Variants in STKLD1 observed in about 807,000 individuals in gnomAD.
STKLD1 encodes the protein serine/threonine kinase-like domain-containing protein STKLD1.
In STKLD1, 79 loss-of-function variants were observed where a neutral mutation model predicts 80.4. That is an observed-to-expected ratio of 0.98 (90% CI 0.82 to 1.19). The LOEUF is 1.19. Ranked by LOEUF, STKLD1 falls within the 50% of genes most tolerant of loss-of-function variation. STKLD1 has a pLI of 0.00. For synonymous variants in STKLD1, 393 were observed against 357.6 expected, an observed-to-expected ratio of 1.10 and a Z score of -1.12; for missense variants, 841 against 856.0, an observed-to-expected ratio of 0.98 and a Z score of 0.22.
chr9:133,405,236 C>T lies in STKLD1; in HGVS notation c.1874-16C>T. The T allele has an allele frequency of 6.3e-7, 1 of 1,586,508 alleles. No individual in the cohort carries two copies. Among genetic ancestry groups the T allele is most frequent in the Non-Finnish European group, 8.6e-7 (1 of 1,165,484 alleles). ...GGAAGGACTCTGGCCTCAGGACCTT[C>T]CTGCTCCACCTGCAGAGGAGATCCT... On this transcript the variant is annotated splice_polypyrimidine_tract_variant and intron_variant, in intron 17 of 17. Coordinates refer to ENST00000371957, the MANE Select transcript of STKLD1 (RefSeq NM_153710.5).
chr9:133,385,629 C>T lies in STKLD1; in HGVS notation c.232C>T (p.Leu78=). Residue 78 remains leucine, a synonymous_variant, in exon 4 of 18, where the codon CTG becomes TTG. Coordinates refer to ENST00000371957, the MANE Select transcript of STKLD1 (RefSeq NM_153710.5). The surrounding 1 kb of genome is among the most constrained non-coding windows in gnomAD (Gnocchi z 4.9). ...TCTATCCTGGCAGCTGATGCCACTGCTGAAGCTGCGGCACGCCCACATCTC... is the reference window on the plus strand; with the variant it reads ...TCTATCCTGGCAGCTGATGCCACTGTTGAAGCTGCGGCACGCCCACATCTC... The part of the protein sequence containing the change: ...SQALEELMPL[L]KLRHAHISVY... The T allele has an allele frequency of 6.2e-7, 1 of 1,613,362 alleles. No individual in the cohort carries two copies. Among genetic ancestry groups the T allele is most frequent in the Non-Finnish European group, 8.5e-7 (1 of 1,179,986 alleles).
At chr9:133,376,652 G>A (rs1325754049) in intron 1 of STKLD1, 92 bp downstream of exon 1, 14 of 1,175,864 alleles carry the variant, frequency 1.2e-5, no homozygotes, top group Non-Finnish European at 1.5e-5. Flanking sequence ...CGAGGGCGGC[G>A]AGGGGCCCGC....
At chr9:133,392,583 GTGGA>G (rs1224793163) in intron 7 of STKLD1, among the ~76,000 whole-genome samples, 3 of 89,510 alleles carry the variant, frequency 3.4e-5, no homozygotes, top group South Asian at 4.7e-4. Context: ...GGATGGATGA[GTGGA>G]TGGATGGATG....
chr9:133,401,535 T>C (rs1838707050), intron 12 of STKLD1, among the ~76,000 whole-genome samples: 1 of 152,202 alleles, frequency 6.6e-6, no homozygotes, highest in South Asian at 2.1e-4. Context: ...ATGCGTGGCC[T>C]GGCCGGGCAG....
intron 2 of STKLD1, among the ~76,000 whole-genome samples, chr9:133,380,051 T>C (rs1838096673): frequency 6.6e-6 from 1 of 152,086 alleles, no homozygotes; most frequent in African/African-American, 2.4e-5. Context: ...TTTTTTTTGT[T>C]TGGAGATGGA....
In STKLD1 at chr9:133,394,658, G is replaced by A. The variant is rs1242581313; in HGVS notation, c.702+249G>A. On this transcript the variant is annotated intron_variant, in intron 8 of 17. Transcript: ENST00000371957. The surrounding 1 kb of genome is among the most constrained non-coding windows in gnomAD (Gnocchi z 4.9). ...ATTCAGACCATCCCACGCGACCCTCGCAGCAGCCCTCCAGGTGGTGTCACT... is the reference window on the plus strand; with the variant it reads ...ATTCAGACCATCCCACGCGACCCTCACAGCAGCCCTCCAGGTGGTGTCACT... The A allele has an allele frequency of 8.2e-6, 4 of 490,072 alleles. No individual in the cohort carries two copies. Among genetic ancestry groups the A allele is most frequent in the South Asian group, 2.8e-5 (1 of 35,658 alleles). 30.4% of individuals were successfully genotyped at this position (490,072 alleles called of 1,614,324 possible). A position where few individuals can be genotyped will look rare whatever the true frequency, so the allele number is the denominator to read the frequency against.
Position 133,394,350 on chromosome 9 carries a change from T to C in STKLD1, c.643T>C (p.Ser215Pro), listed in dbSNP as rs1554776393. The change falls in exon 8 of 18, where the codon TCA (serine) becomes CCA (proline). Residue 215 changes from serine (S) to proline (P), a missense_variant. By Grantham distance (74) the Ser-to-Pro change is moderately conservative. Transcript: ENST00000371957. This position sits in a 1 kb window ranked among gnomAD's most constrained non-coding sequence, Gnocchi z 4.9. ...EALNFSFSQK[S>P]DIWSLGCIIL... is the part of the protein sequence containing the mutation. ...CCTCAACTTCTCCTTCAGCCAGAAA[T>C]CAGACATCTGGTCCCTGGGCTGCAT... 1 of 1,613,920 alleles carries C rather than the reference T, an allele frequency of 6.2e-7. No homozygotes were observed. The highest frequency in any genetic ancestry group is 8.5e-7 in the Non-Finnish European group (1 of 1,179,960).
In STKLD1 at chr9:133,403,778, G is replaced by C. The variant is rs781800185; in HGVS notation, c.1553G>C (p.Gly518Ala). ...SQVLATYPAD[G>A]EMAEASCGVF... Reference sequence around the variant, plus strand: ...GTGTTGGCCACCTACCCTGCGGATGGGGAAATGGCAGAAGCCAGCTGCGGA... The same window carrying C: ...GTGTTGGCCACCTACCCTGCGGATGCGGAAATGGCAGAAGCCAGCTGCGGA... The change falls in exon 15 of 18, where the codon GGG becomes GCG. Residue 518 changes from glycine (G) to alanine (A), a missense_variant. Physicochemically the swap from Gly to Ala is moderately conservative, Grantham distance 60 (BLOSUM62 0). Transcript: ENST00000371957. 1.2e-6 allele frequency: 2 copies of C among 1,613,784 alleles called. No homozygotes were observed. The highest frequency in any genetic ancestry group is 1.7e-6 in the Non-Finnish European group (2 of 1,179,966).
At chr9:133,383,329 G>A (rs1172684618) in intron 2 of STKLD1, among the ~76,000 whole-genome samples, 9 of 18,154 alleles carry the variant, frequency 5.0e-4, no homozygotes, top group Non-Finnish European at 6.8e-4. Flanking sequence ...GATGATGGTG[G>A]TGATGGTGAT....
chr9:133,399,407 C>T lies in STKLD1; in HGVS notation c.1082-1006C>T, dbSNP rs375230600. On this transcript the variant is annotated intron_variant, in intron 11 of 17. Coordinates refer to ENST00000371957, the MANE Select transcript of STKLD1 (RefSeq NM_153710.5). ...CTCATATGGGCCTAATTTACCATTC[C>T]CTCCCTCCCCTCCTCCTCTTCGACC... Among the ~76,000 whole-genome samples the T allele has an allele frequency of 1.7e-4, 26 of 152,284 alleles. No homozygotes were observed. The East Asian group carries it at 4.2e-3, about 25-fold the overall frequency.
intron 7 of STKLD1, chr9:133,393,796 G>A (rs587732268): frequency 6.5e-6 from 1 of 153,766 alleles, no homozygotes; most frequent in Non-Finnish European, 1.4e-5. Flanking sequence ...GAGGTCCAGA[G>A]AAGGAGGGGC....
At chr9:133,376,690 C>G (rs1468784082) in intron 1 of STKLD1, 130 bp downstream of exon 1, 1 of 753,842 alleles carries the variant, frequency 1.3e-6, no homozygotes. Context: ...CCTGCAGCTC[C>G]TAGGTTGAAC....
At chr9:133,378,990 A>G (rs2130259065) in intron 1 of STKLD1, 46 bp from the exon 2 acceptor site, 1 of 1,572,382 alleles carries the variant, frequency 6.4e-7, no homozygotes, top group South Asian at 1.1e-5. Context: ...TGGAAAGGGA[A>G]AAGTTGTGTG....
Position 133,390,249 on chromosome 9 carries a change from AC to A in STKLD1, c.468-431del, listed in dbSNP as rs2130286276. On this transcript the variant is annotated intron_variant, in intron 6 of 17. Coordinates refer to ENST00000371957, the MANE Select transcript of STKLD1 (RefSeq NM_153710.5). This position sits in a 1 kb window ranked among gnomAD's most constrained non-coding sequence, Gnocchi z 5.1. ...CACACACACACACACACACACACAC[AC>A]ACCACGCAGACCATACGTACAAAGG... Among the ~76,000 whole-genome samples the A allele has an allele frequency of 2.4e-4, 27 of 111,210 alleles. No individual in the cohort carries two copies. Among genetic ancestry groups the A allele is most frequent in the African/African-American group, 1.1e-3 (24 of 22,740 alleles). 73.0% of individuals were successfully genotyped at this position (111,210 alleles called of 152,430 possible). A position where few individuals can be genotyped will look rare whatever the true frequency, so the allele number is the denominator to read the frequency against.
At chr9:133,403,672 T>A in intron 14 of STKLD1, 28 bp from the exon 15 acceptor site, 1 of 1,605,008 alleles carries the variant, frequency 6.2e-7, no homozygotes, top group Non-Finnish European at 8.5e-7. Flanking sequence ...GGCCTGGGTG[T>A]CCCCTTCCAT....
rs139806460 is a variant in STKLD1 at position 133,394,856 on chromosome 9, C to T, written c.702+447C>T. ...CCTCCTGCACATCCTTAGCATGCAG[C>T]TCTTTCTCTCATCCCTGCTGGGGCC... is the stretch of plus-strand genomic sequence containing the variant. On this transcript the variant is annotated intron_variant, in intron 8 of 17. Transcript: ENST00000371957. The surrounding 1 kb of genome is among the most constrained non-coding windows in gnomAD (Gnocchi z 4.9). 1.0e-3 allele frequency: 169 copies of T among 165,844 alleles called. No individual in the cohort carries two copies. Among genetic ancestry groups the T allele is most frequent in the African/African-American group, 3.8e-3 (161 of 41,990 alleles). 10.3% of individuals were successfully genotyped at this position (165,844 alleles called of 1,614,324 possible).
chr9:133,387,356 C>T lies in STKLD1; in HGVS notation c.295-91C>T, dbSNP rs2130279209. ...GTGCTCCCACGGCCACTGCAAATGG[C>T]AGCTGAGCGCAGGGAGGCCCTGGAG... On this transcript the variant is annotated intron_variant, in intron 4 of 17. Transcript: ENST00000371957. 1.6e-3 allele frequency: 1,607 copies of T among 998,252 alleles called. 7 individuals carry two copies. Among genetic ancestry groups the T allele is most frequent in the Middle Eastern group, 4.5e-3 (15 of 3,352 alleles). 61.8% of individuals were successfully genotyped at this position (998,252 alleles called of 1,614,324 possible).
intron 16 of STKLD1, 24 bp from the exon 17 acceptor site, chr9:133,404,765 A>C (rs782621811): frequency 1.9e-6 from 3 of 1,609,112 alleles, no homozygotes; most frequent in Non-Finnish European, 2.5e-6. Context: ...GCAGGGAATG[A>C]ACCCACTCCC....
rs1838716747 is a variant in STKLD1 at position 133,401,893 on chromosome 9, C to G, written c.1339+15C>G. ...CACAACCCAGGGTGTGTCTGCCAGC[C>G]ACCTCCTGCCCCACCCACGCTCCAG... On this transcript the variant is annotated intron_variant, in intron 13 of 17. Transcript: ENST00000371957. 6.2e-7 allele frequency: 1 copy of G among 1,611,886 alleles called. No homozygotes were observed. Among genetic ancestry groups the G allele is most frequent in the African/African-American group, 1.3e-5 (1 of 74,920 alleles).
Sources: allele counts gnomAD v4.1 joint callset (sites outside exome capture counted in the v4.1 genomes callset), GRCh38; gene constraint gnomAD v4.1.1; non-coding constraint Gnocchi (gnomAD v3.1); transcripts MANE v1.5; gene names NCBI Gene and HGNC (gene_info 2026-07-23, HGNC 2026-07-21).